PDE3A: variants seen among roughly 807,000 people sequenced by gnomAD.
The protein encoded by PDE3A is phosphodiesterase 3A.
A neutral mutation model predicts 98.3 loss-of-function variants in PDE3A; 43 were observed. The observed-to-expected ratio is 0.44, with a 90% CI of 0.34 to 0.56. PDE3A has a LOEUF of 0.56. Among genes scored for constraint, PDE3A ranks in the 20% least tolerant of loss-of-function variants. The probability of loss-of-function intolerance (pLI) is 0.01; values close to 1 mark genes in which losing one functional copy is unlikely to be tolerated. For synonymous variants in PDE3A, 663 were observed against 567.9 expected (o/e 1.17, Z -2.38); for missense variants, 1,427 against 1,440.7 (o/e 0.99, Z 0.15).
chr12:20,458,977 G>T (rs1383175879), intron 1 of PDE3A, among the ~76,000 whole-genome samples: 3 of 151,936 alleles, frequency 2.0e-5, no homozygotes, highest in Non-Finnish European at 2.9e-5. Flanking sequence ...AATATGTAAG[G>T]GTATAAAAAT....
chr12:20,589,171 G>A (rs186014656), intron 2 of PDE3A, among the ~76,000 whole-genome samples: 1 of 152,012 alleles, frequency 6.6e-6, no homozygotes, highest in Non-Finnish European at 1.5e-5. Context: ...TGATCCACCT[G>A]CCTCGGCCTC....
rs368628981 is a variant in PDE3A at position 20,624,947 on chromosome 12, G to C, written c.1540+3536G>C. ...TCGTGGCAAAGAGTGTAAGCAAATGGAATCAAATGAAATGTGAAGAGAGTC... is the reference window on the plus strand; with the variant it reads ...TCGTGGCAAAGAGTGTAAGCAAATGCAATCAAATGAAATGTGAAGAGAGTC... On this transcript the variant is annotated intron_variant, in intron 5 of 15. Coordinates refer to ENST00000359062, the MANE Select transcript of PDE3A (RefSeq NM_000921.5). Among the ~76,000 whole-genome samples the C allele has an allele frequency of 8.5e-5, 13 of 152,216 alleles. 1 individual carries two copies. The East Asian group carries it at 2.1e-3, about 25-fold the overall frequency.
At position 20,679,440 on chromosome 12, in the gene PDE3A, G is replaced by A. The variant is rs1945715845; in HGVS notation, c.3185-590G>A. ...TTTTTTGTATTTTTAGTAGAGACAG[G>A]GTTTCACCGTGTTAGCCAGGATGGT... On this transcript the variant is annotated intron_variant, in intron 15 of 15. Transcript: ENST00000359062. 2.0e-5 allele frequency among the ~76,000 whole-genome samples: 3 copies of A among 151,998 alleles called. No homozygotes were observed. In the South Asian group the frequency reaches 6.2e-4, roughly 32 times the overall value.
intron 1 of PDE3A, among the ~76,000 whole-genome samples, chr12:20,481,788 A>G (rs1252280416): frequency 5.5e-4 from 1 of 1,816 alleles, no homozygotes; most frequent in African/African-American, 1.4e-3. Context: ...TTTTTTTTTG[A>G]GCAGAGTCTC....
At chr12:20,554,210 C>A (rs1942301159) in intron 1 of PDE3A, among the ~76,000 whole-genome samples, 1 of 151,022 alleles carries the variant, frequency 6.6e-6, no homozygotes, top group Admixed American at 6.6e-5. Context: ...CAAACTGGAG[C>A]AATGTTATTT....
chr12:20,652,591 C>T (rs2121518990), intron 14 of PDE3A, among the ~76,000 whole-genome samples: 1 of 152,196 alleles, frequency 6.6e-6, no homozygotes, highest in South Asian at 2.1e-4. Context: ...CTGTTCATAT[C>T]CTTCACCCAC....
chr12:20,369,125 T>G lies in PDE3A; in HGVS notation c.-160T>G, dbSNP rs915043828. The G allele has an allele frequency of 1.1e-5, 6 of 560,496 alleles. No individual in the cohort carries two copies. The highest frequency in any genetic ancestry group is 1.6e-5 in the Non-Finnish European group (5 of 321,766). The allele number at this position is 560,496 out of a possible 1,614,324, so 34.7% of individuals were successfully genotyped here. A position where few individuals can be genotyped will look rare whatever the true frequency, so the allele number is the denominator to read the frequency against. ...CAGGAGTTATTCGAAAGCTGAAACTTTCAGTGGATTGTGGGCCTGGGGAGA... is the reference window on the plus strand; with the variant it reads ...CAGGAGTTATTCGAAAGCTGAAACTGTCAGTGGATTGTGGGCCTGGGGAGA... On this transcript the variant is annotated 5_prime_UTR_variant, in exon 1 of 16. Transcript: ENST00000359062.
At chr12:20,386,417 A>G (rs1347252677) in intron 1 of PDE3A, among the ~76,000 whole-genome samples, 9 of 150,508 alleles carry the variant, frequency 6.0e-5, no homozygotes, top group African/African-American at 1.7e-4. Flanking sequence ...TTTGTTGGCC[A>G]CATAAATGTC....
chr12:20,566,305 C>T, intron 2 of PDE3A, among the ~76,000 whole-genome samples: 1 of 151,438 alleles, frequency 6.6e-6, no homozygotes, highest in East Asian at 2.0e-4. Flanking sequence ...TATTGGAAAT[C>T]TGCAGGTTAT....
chr12:20,653,882 G>A, intron 14 of PDE3A, 65 bp from the exon 15 acceptor site: 2 of 1,551,358 alleles, frequency 1.3e-6, no homozygotes, highest in South Asian at 1.2e-5. Context: ...AATGCCTGGG[G>A]TTTTACATAT....
intron 1 of PDE3A, among the ~76,000 whole-genome samples, chr12:20,519,741 TG>T (rs1946388935): frequency 6.6e-6 from 1 of 152,130 alleles, no homozygotes; most frequent in African/African-American, 2.4e-5. Context: ...AAGGGATTTT[TG>T]TTTGGTTGAT....
rs530286803 is a variant in PDE3A at position 20,409,468 on chromosome 12, C to A, written c.960+39224C>A. On this transcript the variant is annotated intron_variant, in intron 1 of 15. Coordinates refer to ENST00000359062, the MANE Select transcript of PDE3A (RefSeq NM_000921.5). The stretch of plus-strand genomic sequence containing the variant: ...AATAATTTTTACCTACAATTTGATA[C>A]TATGTAGAGAGAACATTTTCTTTCA... Among the ~76,000 whole-genome samples, 4 of 152,068 alleles carry A rather than the reference C, an allele frequency of 2.6e-5. No homozygotes were observed. In the South Asian group the frequency reaches 8.3e-4, roughly 32 times the overall value.
chr12:20,471,436 C>T (rs1421461500), intron 1 of PDE3A, among the ~76,000 whole-genome samples: 1 of 152,094 alleles, frequency 6.6e-6, no homozygotes, highest in African/African-American at 2.4e-5. Flanking sequence ...AAAGGAAGAA[C>T]CACTGGCCTG....
chr12:20,497,610 A>G (rs1363098852), intron 1 of PDE3A, among the ~76,000 whole-genome samples: 1 of 151,900 alleles, frequency 6.6e-6, no homozygotes, highest in Non-Finnish European at 1.5e-5. Flanking sequence ...GTTAGTACAA[A>G]TAAATAAATA....
At chr12:20,666,552 TATTTC>T (rs1945318150) in intron 15 of PDE3A, among the ~76,000 whole-genome samples, 1 of 152,160 alleles carries the variant, frequency 6.6e-6, no homozygotes, top group South Asian at 2.1e-4. Flanking sequence ...TTGCTAGACT[TATTTC>T]ATTTAACATA....
intron 10 of PDE3A, among the ~76,000 whole-genome samples, chr12:20,640,771 A>G (rs1477254736): frequency 2.6e-5 from 4 of 152,224 alleles, no homozygotes; most frequent in African/African-American, 7.2e-5. Flanking sequence ...GACAGTGTCT[A>G]TAGGTCGAAA....
At chr12:20,441,977 T>C (rs1315274829) in intron 1 of PDE3A, among the ~76,000 whole-genome samples, 1 of 152,206 alleles carries the variant, frequency 6.6e-6, no homozygotes, top group Non-Finnish European at 1.5e-5. Context: ...CTCCTTGCTG[T>C]ATTCTTCTGC....
At chr12:20,373,773 G>C (rs766681801) in intron 1 of PDE3A, among the ~76,000 whole-genome samples, 20 of 152,114 alleles carry the variant, frequency 1.3e-4, no homozygotes, top group Admixed American at 3.3e-4. Flanking sequence ...GTTGTCGAAA[G>C]AAGAGTCAAG....
In PDE3A at chr12:20,369,766, T is replaced by C. The variant is rs1943427517; in HGVS notation, c.482T>C (p.Val161Ala). ...LRAGVRLPLA[V>A]ALLAACCGGE... The stretch of plus-strand genomic sequence containing the variant: ...GCCGGGGTGCGCCTGCCTCTGGCTG[T>C]CGCGCTGCTGGCCGCCTGCTGCGGG... The change falls in exon 1 of 16, where the codon GTC becomes GCC. Residue 161 changes from valine (V) to alanine (A), a missense_variant. Around this residue, in one of 3 missense-constraint regions of PDE3A, gnomAD observed 1,012 missense variants for 886.5 expected, o/e 1.14. Coordinates refer to ENST00000359062, the MANE Select transcript of PDE3A (RefSeq NM_000921.5). The C allele has an allele frequency of 3.1e-6, 5 of 1,612,532 alleles. No homozygotes were observed. The highest frequency in any genetic ancestry group is 4.2e-6 in the Non-Finnish European group (5 of 1,179,684).
Sources: allele counts gnomAD v4.1 joint callset (sites outside exome capture counted in the v4.1 genomes callset), GRCh38; gene constraint gnomAD v4.1.1; regional missense constraint gnomAD v4.1.1; transcripts MANE v1.5; gene names NCBI Gene and HGNC (gene_info 2026-07-23, HGNC 2026-07-21).